The following METTL16 variants were observed in gnomAD, a reference collection of about 807,000 sequenced individuals.
METTL16 encodes the protein methyltransferase 16, RNA N6-adenosine.
A neutral mutation model predicts 57.9 loss-of-function variants in METTL16; 19 were observed. The ratio of observed to expected loss-of-function variants is 0.33; its 90% CI spans 0.23 to 0.48. The LOEUF (loss-of-function observed/expected upper bound fraction) is 0.48, where lower values mean the gene tolerates loss of function less well. Ranked by LOEUF, METTL16 falls within the 20% of genes least tolerant of loss-of-function variation. The pLI, the probability that METTL16 is intolerant of heterozygous loss-of-function variation, is 0.99. For synonymous variants in METTL16, 246 were observed against 255.6 expected (o/e 0.96, Z 0.36); for missense variants, 434 against 691.5 (o/e 0.63, Z 4.18).
chr17:2,485,882 C>T (rs1475189248), intron 2 of METTL16, among the ~76,000 whole-genome samples: 1 of 151,944 alleles, frequency 6.6e-6, no homozygotes, highest in African/African-American at 2.4e-5. Flanking sequence ...TACTACTGAC[C>T]CCCCCTAATT....
At chr17:2,471,572 G>A (rs1395572289) in intron 4 of METTL16, among the ~76,000 whole-genome samples, 3 of 152,050 alleles carry the variant, frequency 2.0e-5, no homozygotes, top group African/African-American at 7.2e-5. Context: ...GGCAGATCAC[G>A]AGGTCAGGAG....
intron 6 of METTL16, among the ~76,000 whole-genome samples, chr17:2,446,592 C>T (rs533290082): frequency 2.4e-5 from 2 of 84,790 alleles, no homozygotes; most frequent in South Asian, 5.8e-4. Flanking sequence ...AGCATCCTGG[C>T]TCTCCCTCTC....
At chr17:2,479,330 CTT>C (rs34609847) in intron 2 of METTL16, among the ~76,000 whole-genome samples, 2 of 105,596 alleles carry the variant, frequency 1.9e-5, no homozygotes, top group South Asian at 3.3e-4. Context: ...CCACACTAAG[CTT>C]TTTTTTTTTT....
intron 8 of METTL16, among the ~76,000 whole-genome samples, chr17:2,428,913 C>T (rs1233809178): frequency 6.6e-6 from 1 of 152,044 alleles, no homozygotes; most frequent in African/African-American, 2.4e-5. Flanking sequence ...GGCTGGAGTG[C>T]AGTGGCACAA....
At chr17:2,508,492 C>T (rs1474149103) in intron 1 of METTL16, among the ~76,000 whole-genome samples, 1 of 152,154 alleles carries the variant, frequency 6.6e-6, no homozygotes, top group Admixed American at 6.6e-5. Context: ...CATCAAAAAT[C>T]TTCAACACCT....
chr17:2,439,612 G>A (rs966474966), intron 7 of METTL16, among the ~76,000 whole-genome samples: 16 of 151,970 alleles, frequency 1.1e-4, no homozygotes, highest in African/African-American at 3.6e-4. Flanking sequence ...AGTTGAACTT[G>A]TCTTGGAGGC....
intron 6 of METTL16, among the ~76,000 whole-genome samples, chr17:2,457,314 GA>G (rs1255680661): frequency 7.7e-6 from 1 of 129,528 alleles, no homozygotes; most frequent in Non-Finnish European, 1.5e-5. Context: ...CTCCAACATG[GA>G]CGACAGAGCG....
chr17:2,474,651 C>A (rs541256456), intron 3 of METTL16, among the ~76,000 whole-genome samples: 2 of 152,282 alleles, frequency 1.3e-5, no homozygotes, highest in East Asian at 1.9e-4. Context: ...ACAGGCCGGG[C>A]GTGGTGGCTC....
At chr17:2,486,150 GA>G (rs1324052717) in intron 2 of METTL16, among the ~76,000 whole-genome samples, 1 of 152,192 alleles carries the variant, frequency 6.6e-6, no homozygotes, top group Non-Finnish European at 1.5e-5. Context: ...TGAAGCTGGG[GA>G]GGAAGGCAGG....
intron 1 of METTL16, among the ~76,000 whole-genome samples, chr17:2,502,596 GA>G (rs2067497403): frequency 6.6e-6 from 1 of 151,994 alleles, no homozygotes; most frequent in Non-Finnish European, 1.5e-5. Flanking sequence ...GCTGAGGCAG[GA>G]GAATTGCTTG....
intron 8 of METTL16, among the ~76,000 whole-genome samples, chr17:2,436,317 A>G (rs1429796394): frequency 6.6e-6 from 1 of 152,248 alleles, no homozygotes; most frequent in East Asian, 1.9e-4. Flanking sequence ...AACTTACTGC[A>G]CTGTCCAGGA....
intron 2 of METTL16, 124 bp downstream of exon 2, chr17:2,502,080 T>G (rs1465188693): frequency 1.1e-6 from 1 of 949,866 alleles, no homozygotes; most frequent in Non-Finnish European, 1.6e-6. Flanking sequence ...GGTTAAGTGA[T>G]TTGTCCAAGG....
chr17:2,505,365 C>T (rs1376561112), intron 1 of METTL16, among the ~76,000 whole-genome samples: 1 of 144,760 alleles, frequency 6.9e-6, no homozygotes, highest in Non-Finnish European at 1.5e-5. Context: ...ACTCTTTTTC[C>T]CTGTCCCCAA....
At chr17:2,426,046 A>AG (rs1384134797) in intron 8 of METTL16, among the ~76,000 whole-genome samples, 1 of 151,802 alleles carries the variant, frequency 6.6e-6, no homozygotes, top group Non-Finnish European at 1.5e-5. Context: ...AAAAAAAAAA[A>AG]AGCCACAGGC....
At chr17:2,506,336 G>A (rs571123302) in intron 1 of METTL16, among the ~76,000 whole-genome samples, 1 of 147,284 alleles carries the variant, frequency 6.8e-6, no homozygotes, top group South Asian at 2.3e-4. Flanking sequence ...CTGATGCCGA[G>A]CCGAAGCTGA....
intron 6 of METTL16, among the ~76,000 whole-genome samples, chr17:2,458,663 G>C (rs2067127766): frequency 6.6e-6 from 1 of 152,004 alleles, no homozygotes; most frequent in Non-Finnish European, 1.5e-5. Context: ...AGTGAGACAA[G>C]ATCACTCCAC....
intron 6 of METTL16, among the ~76,000 whole-genome samples, chr17:2,447,685 G>A (rs1211608789): frequency 1.8e-4 from 24 of 132,516 alleles, no homozygotes; most frequent in East Asian, 2.4e-4. Flanking sequence ...CCGGCCAGCC[G>A]CCCCGTCCGG....
At chr17:2,426,712 G>C (rs1471162328) in intron 8 of METTL16, among the ~76,000 whole-genome samples, 3 of 113,126 alleles carry the variant, frequency 2.7e-5, no homozygotes, top group Admixed American at 1.2e-4. Flanking sequence ...CTGGGTGACA[G>C]AGCAAGACTC....
chr17:2,511,218 CTT>C (rs5818862), intron 1 of METTL16, among the ~76,000 whole-genome samples: 5,408 of 146,658 alleles, frequency 0.037, 209 homozygotes, highest in African/African-American at 0.096. Context: ...GAGGCTTTCC[CTT>C]TTTTTTTTTT....
Sources: allele counts gnomAD v4.1 joint callset (sites outside exome capture counted in the v4.1 genomes callset), GRCh38; gene constraint gnomAD v4.1.1; transcripts MANE v1.5; gene names NCBI Gene and HGNC (gene_info 2026-07-23, HGNC 2026-07-21).